Variants in ARHGAP21 observed in about 807,000 individuals in gnomAD.
ARHGAP21 encodes Rho GTPase activating protein 21.
Under a neutral mutation model 164.6 loss-of-function variants are expected in ARHGAP21, and 38 were observed. That is an observed-to-expected ratio of 0.23 (90% CI 0.18 to 0.30). The LOEUF (loss-of-function observed/expected upper bound fraction) is 0.30. ARHGAP21 is among the 10% of genes least tolerant of loss of function. ARHGAP21 has a pLI of 1.00. For synonymous variants in ARHGAP21, 766 were observed against 857.9 expected (o/e 0.89, Z 1.87); for missense variants, 1,822 against 2,370.7 (o/e 0.77, Z 4.81).
In ARHGAP21 at chr10:24,670,393, G is replaced by A; in HGVS notation, c.68C>T (p.Ser23Leu). 1.9e-6 allele frequency: 3 copies of A among 1,582,736 alleles called. No homozygotes were observed. Among genetic ancestry groups the A allele is most frequent in the Non-Finnish European group, 2.6e-6 (3 of 1,163,484 alleles). Residue 23 changes from serine (S) to leucine (L), a missense_variant, in exon 3 of 26, where the codon TCA (serine) becomes TTA (leucine). Transcript: ENST00000396432. ...DGDKLKACEV[S>L]KNKDGKEQSE... is the part of the protein sequence containing the mutation. Reference sequence around the variant, plus strand: ...TTGTTCTTTTCCATCTTTATTTTTTGAGACCTAAAGTGAAAAGATATTTAA... The same window carrying A: ...TTGTTCTTTTCCATCTTTATTTTTTAAGACCTAAAGTGAAAAGATATTTAA...
intron 2 of ARHGAP21, among the ~76,000 whole-genome samples, chr10:24,687,760 C>T (rs1261225492): frequency 1.3e-5 from 2 of 152,144 alleles, no homozygotes; most frequent in East Asian, 1.9e-4. Flanking sequence ...TTCATCTTAG[C>T]TACCAATGAA....
chr10:24,674,956 G>T (rs990208843), intron 2 of ARHGAP21, among the ~76,000 whole-genome samples: 1 of 152,172 alleles, frequency 6.6e-6, no homozygotes, highest in Admixed American at 6.5e-5. Context: ...TGGTCAGGAC[G>T]TGAAGCAACT....
Position 24,602,120 on chromosome 10 carries a change from G to A in ARHGAP21, c.2722-17C>T. The A allele has an allele frequency of 6.2e-7, 1 of 1,601,152 alleles. No individual in the cohort carries two copies. The highest frequency in any genetic ancestry group is 1.7e-5 in the Admixed American group (1 of 57,476). ...GTCTGCGATCTATAGAAAAGACCAA[G>A]AAAACAGTAAAATGTCAGCATTTTC... On this transcript the variant is annotated splice_polypyrimidine_tract_variant and intron_variant, in intron 12 of 25. Transcript: ENST00000396432.
chr10:24,613,094 T>C (rs564489366), intron 9 of ARHGAP21, among the ~76,000 whole-genome samples: 27 of 152,102 alleles, frequency 1.8e-4, no homozygotes, highest in Admixed American at 1.4e-3. Flanking sequence ...TCCTAAAAAA[T>C]TGAACTCCCT....
intron 17 of ARHGAP21, chr10:24,596,407 G>T (rs2130842957): frequency 4.2e-6 from 2 of 475,162 alleles, no homozygotes; most frequent in East Asian, 7.0e-5. Flanking sequence ...TTAAATATAT[G>T]CACATACATT....
rs753096674 is a variant in ARHGAP21 at position 24,585,451 on chromosome 10, T to C, written c.4838A>G (p.Glu1613Gly). 1.2e-6 allele frequency: 2 copies of C among 1,614,124 alleles called. No individual in the cohort carries two copies. The highest frequency in any genetic ancestry group is 2.2e-5 in the South Asian group (2 of 91,076). The change falls in exon 26 of 26, where the codon GAG (glutamate) becomes GGG (glycine). Residue 1613 changes from glutamate (E) to glycine (G), a missense_variant. Physicochemically the swap from Glu to Gly is moderately conservative, Grantham distance 98 (BLOSUM62 -2). Coordinates refer to ENST00000396432, the MANE Select transcript of ARHGAP21 (RefSeq NM_020824.4). ...RLSPEVQSVA[E>G]SKGDEADDER... ...GTCATCTGCCTCGTCCCCCTTGCTC[T>C]CTGCCACGGATTGCACCTCAGGGCT...
intron 4 of ARHGAP21, among the ~76,000 whole-genome samples, chr10:24,666,315 C>T (rs1015350474): frequency 2.0e-5 from 3 of 152,152 alleles, no homozygotes; most frequent in Non-Finnish European, 2.9e-5. Context: ...CAGGCGTGAG[C>T]GACTGCGCCC....
Position 24,619,948 on chromosome 10 carries a change from T to C in ARHGAP21, c.1947A>G (p.Gln649=), listed in dbSNP as rs1834377070. The C allele has an allele frequency of 6.2e-7, 1 of 1,614,096 alleles. No homozygotes were observed. The highest frequency in any genetic ancestry group is 1.1e-5 in the South Asian group (1 of 91,066). Residue 649 remains glutamine (Q), a synonymous_variant, in exon 9 of 26, where the codon CAA becomes CAG. Transcript: ENST00000396432. ...TCTGATGCAAGTGATTTACTGGTCT[T>C]TGGTCTTTGATAGAAACAAATGATT... is the stretch of plus-strand genomic sequence containing the variant. ...SQKSFVSIKD[Q]RPVNHLHQNS... is the part of the protein sequence containing the mutation.
intron 7 of ARHGAP21, chr10:24,628,999 T>A (rs1458967116): frequency 3.8e-5 from 3 of 78,258 alleles, no homozygotes; most frequent in African/African-American, 5.7e-5. Context: ...TTTTTTTTTT[T>A]TTTTTTTTTT....
chr10:24,610,516 T>A (rs1335692476), intron 9 of ARHGAP21, among the ~76,000 whole-genome samples: 1 of 151,544 alleles, frequency 6.6e-6, no homozygotes, highest in Non-Finnish European at 1.5e-5. Context: ...TAAAAAAAAA[T>A]ACAGGCCTAT....
At chr10:24,671,791 T>C (rs1320337093) in intron 2 of ARHGAP21, among the ~76,000 whole-genome samples, 1 of 150,834 alleles carries the variant, frequency 6.6e-6, no homozygotes, top group Admixed American at 6.6e-5. Context: ...GCCATGATCA[T>C]AGTTCACTGC....
chr10:24,588,328 G>GA (rs1394220427), intron 25 of ARHGAP21, among the ~76,000 whole-genome samples: 2 of 111,976 alleles, frequency 1.8e-5, no homozygotes, highest in Admixed American at 8.6e-5. Flanking sequence ...ACAAAAGTGT[G>GA]AATTTACAAT....
intron 2 of ARHGAP21, among the ~76,000 whole-genome samples, chr10:24,711,895 AG>A (rs1844860170): frequency 6.6e-6 from 1 of 152,072 alleles, no homozygotes; most frequent in East Asian, 1.9e-4. Context: ...ATTTTGAAAA[AG>A]GGTCTTTGCA....
intron 2 of ARHGAP21, among the ~76,000 whole-genome samples, chr10:24,673,356 G>T (rs754553471): frequency 2.0e-5 from 3 of 152,176 alleles, no homozygotes; most frequent in Admixed American, 1.3e-4. Context: ...AGAATATGGA[G>T]TCCTGCTCTA....
At chr10:24,702,714 A>G (rs1843813707) in intron 2 of ARHGAP21, among the ~76,000 whole-genome samples, 1 of 151,926 alleles carries the variant, frequency 6.6e-6, no homozygotes, top group East Asian at 1.9e-4. Context: ...AGCCTCCCAA[A>G]TATCTGGGAC....
At position 24,635,089 on chromosome 10, in the gene ARHGAP21, G is replaced by GGTTT; in HGVS notation, c.279_282dup (p.Arg95LysfsTer12). The GGTTT allele has an allele frequency of 6.3e-7, 1 of 1,587,880 alleles. No individual in the cohort carries two copies. Among genetic ancestry groups the GGTTT allele is most frequent in the South Asian group, 1.2e-5 (1 of 84,940 alleles). On this transcript the variant is annotated frameshift_variant, in exon 5 of 26. Transcript: ENST00000396432. LOFTEE classifies it high-confidence loss of function. The stretch of plus-strand genomic sequence containing the variant: ...AATATGGTATCCATTGGTTCCAAGC[G>GGTTT]GTTTCTTTGTTTTCCTGTTACAGAG...
chr10:24,625,778 C>G (rs778295389), intron 7 of ARHGAP21, among the ~76,000 whole-genome samples: 18 of 152,074 alleles, frequency 1.2e-4, no homozygotes, highest in Non-Finnish European at 2.5e-4. Context: ...TAATAAACTT[C>G]AAGAAAAACT....
rs112197380 is a variant in ARHGAP21, at chr10:24,674,380, A to G, written c.64-3983T>C. 4.1e-3 allele frequency among the ~76,000 whole-genome samples: 632 copies of G among 152,314 alleles called. 5 individuals are homozygous for G. Among genetic ancestry groups the G allele is most frequent in the Middle Eastern group, 0.024 (7 of 294 alleles). ...GAAACCCCGTCTCTACTAAAAATAC[A>G]AAAATTAGCCAGGTGTGGTGGCATG... On this transcript the variant is annotated intron_variant, in intron 2 of 25. Transcript: ENST00000396432.
intron 25 of ARHGAP21, among the ~76,000 whole-genome samples, chr10:24,588,545 T>C (rs951006518): frequency 1.3e-5 from 2 of 152,228 alleles, no homozygotes; most frequent in South Asian, 2.1e-4. Context: ...AGTCCTGTTA[T>C]GATATTTAAA....
Sources: gnomAD v4.1 joint callset for allele counts (sites outside exome capture counted in the v4.1 genomes callset) on GRCh38, gnomAD v4.1.1 for gene constraint, MANE v1.5 for transcripts, NCBI Gene and HGNC (gene_info 2026-07-23, HGNC 2026-07-21) for gene names.